The following PPP1R16A variants were observed in gnomAD, a reference collection of about 807,000 sequenced individuals.
The protein encoded by PPP1R16A is myosin phosphatase-targeting subunit 3.
A neutral mutation model predicts 46.6 loss-of-function variants in PPP1R16A; 39 were observed. That is an observed-to-expected ratio of 0.84 (90% confidence interval 0.65 to 1.09). PPP1R16A has a LOEUF of 1.09. Among genes scored for constraint, PPP1R16A ranks in the 50% least tolerant of loss-of-function variants. PPP1R16A has a pLI of 0.00. For missense variants in PPP1R16A, 798 were observed against 735.6 expected (o/e 1.08, Z -0.98); for synonymous variants, 413 against 321.5 (o/e 1.28, Z -3.04).
intron 1 of PPP1R16A, among the ~76,000 whole-genome samples, chr8:144,488,670 A>G (rs1315294699): frequency 6.6e-6 from 1 of 152,084 alleles, no homozygotes; most frequent in Non-Finnish European, 1.5e-5. Flanking sequence ...GACCACCAGG[A>G]ATTTGGGCAA....
intron 1 of PPP1R16A, among the ~76,000 whole-genome samples, chr8:144,479,673 C>A (rs914771565): frequency 6.6e-6 from 1 of 152,150 alleles, no homozygotes; most frequent in Non-Finnish European, 1.5e-5. Flanking sequence ...CTCAGGTGAC[C>A]CCACAGACTA....
rs900984216 is a variant in PPP1R16A, at chr8:144,493,352, T to G, written c.-734-3109T>G. Among the ~76,000 whole-genome samples, 30 of 151,866 alleles carry G rather than the reference T, an allele frequency of 2.0e-4. No individual in the cohort carries two copies. Among genetic ancestry groups the G allele is most frequent in the African/African-American group, 7.3e-4 (30 of 41,328 alleles). On this transcript the variant is annotated intron_variant, in intron 2 of 11. Transcript: ENST00000435887. This position sits in a 1 kb window ranked among gnomAD's most constrained non-coding sequence, Gnocchi z 4.3. The stretch of plus-strand genomic sequence containing the variant: ...GAGGTTTGGGGGAAGGTTTGTGGAG[T>G]AGAGGGAGCCGCCCTGCCCAGCCCC...
chr8:144,492,589 C>CAG (rs1825862511), intron 2 of PPP1R16A, among the ~76,000 whole-genome samples: 1 of 152,152 alleles, frequency 6.6e-6, no homozygotes, highest in Admixed American at 6.5e-5. Context: ...CCCACCTCGG[C>CAG]CTCCCAAAGT....
rs1825899255 is a variant in PPP1R16A at position 144,493,373 on chromosome 8, GC to G, written c.-734-3083del. ...GGAGTAGAGGGAGCCGCCCTGCCCA[GC>G]CCCCTCAGCCTGGGTGTGTCCATTT... is the stretch of plus-strand genomic sequence containing the variant. On this transcript the variant is annotated intron_variant, in intron 2 of 11. Coordinates refer to ENST00000435887, the MANE Select transcript of PPP1R16A (RefSeq NM_001329443.2). The surrounding 1 kb of genome is among the most constrained non-coding windows in gnomAD (Gnocchi z 4.3). Among the ~76,000 whole-genome samples the G allele has an allele frequency of 6.6e-6, 1 of 152,158 alleles. No individual in the cohort carries two copies. The highest frequency in any genetic ancestry group is 2.1e-4 in the South Asian group (1 of 4,830).
Position 144,500,603 on chromosome 8 carries a change from C to A in PPP1R16A, c.822C>A (p.Tyr274Ter). The change falls in exon 8 of 12, where the codon TAC (tyrosine) becomes TAA (stop). Residue 274 changes from tyrosine to a stop codon, truncating the protein, a stop_gained. Coordinates refer to ENST00000435887, the MANE Select transcript of PPP1R16A (RefSeq NM_001329443.2). LOFTEE classifies it high-confidence loss of function. ...GGGAGCCGCTGCACGCCGCGGCCTA[C>A]TGGGGCCAGGTGAGTGCGGGCGGGA... ...DGWEPLHAAAYWGQVPLVELL... is the reference protein window; with the variant it reads ...DGWEPLHAAA The A allele has an allele frequency of 6.2e-7, 1 of 1,600,966 alleles. No individual in the cohort carries two copies. Among genetic ancestry groups the A allele is most frequent in the Non-Finnish European group, 8.5e-7 (1 of 1,179,080 alleles).
At chr8:144,498,261 C>T in intron 3 of PPP1R16A, 1 of 359,396 alleles carries the variant, frequency 2.8e-6, no homozygotes, top group East Asian at 7.5e-5. Flanking sequence ...CAGGGAGAAC[C>T]CTGGTGACCT....
Position 144,500,917 on chromosome 8 carries a change from A to T in PPP1R16A, c.983A>T (p.Gln328Leu). 6.5e-7 allele frequency: 1 copy of T among 1,531,476 alleles called. No individual in the cohort carries two copies. The highest frequency in any genetic ancestry group is 8.8e-7 in the Non-Finnish European group (1 of 1,142,450). The allele number at this position is 1,531,476 out of a possible 1,614,324, so 94.9% of individuals were successfully genotyped here. A position where few individuals can be genotyped will look rare whatever the true frequency, so the allele number is the denominator to read the frequency against. ...KHKHDALLRA[Q>L]SRQRSLLRRR... Reference sequence around the variant, plus strand: ...AAGCACGACGCCCTCCTGCGCGCCCAGAGCCGCCAGCGCTCCTTGCTGCGC... The same window carrying T: ...AAGCACGACGCCCTCCTGCGCGCCCTGAGCCGCCAGCGCTCCTTGCTGCGC... Residue 328 changes from glutamine to leucine, a missense_variant, in exon 10 of 12, where the codon CAG becomes CTG. Gln to Leu is a moderately radical substitution (Grantham distance 113). Transcript: ENST00000435887.
chr8:144,489,955 A>G (rs1259326582), intron 1 of PPP1R16A, 79 bp from the exon 2 acceptor site: 2 of 152,322 alleles, frequency 1.3e-5, no homozygotes, highest in South Asian at 2.1e-4. Flanking sequence ...CCTTGGCCGC[A>G]CTGAGCTGTG....
chr8:144,481,370 T>TG (rs1191611314), intron 1 of PPP1R16A, among the ~76,000 whole-genome samples: 3 of 151,120 alleles, frequency 2.0e-5, no homozygotes, highest in African/African-American at 7.3e-5. Flanking sequence ...TGGCTGGGCG[T>TG]GGGGGCTCAC....
chr8:144,499,932 A>G (rs1156347508), intron 5 of PPP1R16A, 164 bp from the exon 6 acceptor site: 1 of 655,680 alleles, frequency 1.5e-6, no homozygotes, highest in African/African-American at 1.8e-5. Flanking sequence ...AGGATCTAGG[A>G]CAGCCGATGG....
chr8:144,488,064 T>A (rs1825680588), intron 1 of PPP1R16A, among the ~76,000 whole-genome samples: 1 of 152,266 alleles, frequency 6.6e-6, no homozygotes, highest in Admixed American at 6.5e-5. Flanking sequence ...TTTTGGGTGC[T>A]ATTCTGTTGT....
chr8:144,500,337 C>G lies in PPP1R16A; in HGVS notation c.651C>G (p.Ser217Arg). 6.5e-7 allele frequency: 1 copy of G among 1,537,320 alleles called. No individual in the cohort carries two copies. The highest frequency in any genetic ancestry group is 8.7e-7 in the Non-Finnish European group (1 of 1,146,214). ...TGCGCATGCTGGACGACATCCGGAG[C>G]CGGCTGCAGGCCGGGGCAGACCTCC... ...PELRMLDDIR[S>R]RLQAGADLHA... Residue 217 changes from serine (S) to arginine (R), a missense_variant, in exon 7 of 12, where the codon AGC (serine) becomes AGG (arginine). Ser to Arg is a moderately radical substitution (Grantham distance 110, BLOSUM62 -1). Coordinates refer to ENST00000435887, the MANE Select transcript of PPP1R16A (RefSeq NM_001329443.2).
At chr8:144,497,919 C>G in intron 3 of PPP1R16A, 1 of 403,990 alleles carries the variant, frequency 2.5e-6, no homozygotes, top group Non-Finnish European at 5.1e-6. Context: ...CAGAGCTATG[C>G]AGGTGGCCCC....
chr8:144,478,549 G>A (rs1331088580), intron 1 of PPP1R16A: 1 of 166,898 alleles, frequency 6.0e-6, no homozygotes, highest in Non-Finnish European at 1.3e-5. Flanking sequence ...CAGCCCGTCG[G>A]TCAGGTAGAC....
intron 2 of PPP1R16A, among the ~76,000 whole-genome samples, chr8:144,492,935 G>A (rs1825876662): frequency 6.6e-6 from 1 of 152,120 alleles, no homozygotes; most frequent in Non-Finnish European, 1.5e-5. Context: ...CTGGGAGATG[G>A]GTACTGTGGT....
rs201175578 is a variant in PPP1R16A at position 144,497,201 on chromosome 8, G to A, written c.7G>A (p.Glu3Lys). Residue 3 changes from glutamate to lysine, a missense_variant, in exon 3 of 12, where the codon GAG becomes AAG. Coordinates refer to ENST00000435887, the MANE Select transcript of PPP1R16A (RefSeq NM_001329443.2). MA[E>K]HLELLAEMPM... ...TGGGCAAGCAGCCGCCGCCATGGCC[G>A]AGCACCTGGAGCTGCTGGCAGAGAT... The A allele has an allele frequency of 1.5e-4, 236 of 1,569,650 alleles. No individual in the cohort carries two copies. The highest frequency in any genetic ancestry group is 2.1e-4 in the Admixed American group (11 of 53,218).
chr8:144,482,142 G>A (rs959769500), intron 1 of PPP1R16A, among the ~76,000 whole-genome samples: 4 of 151,906 alleles, frequency 2.6e-5, no homozygotes, highest in Admixed American at 2.0e-4. Flanking sequence ...GTGTCATCTC[G>A]GCTCATTGCA....
Position 144,497,926 on chromosome 8 carries a change from C to T in PPP1R16A, c.259+473C>T, listed in dbSNP as rs1168466571. 4 of 408,136 alleles carry T rather than the reference C, an allele frequency of 9.8e-6. No homozygotes were observed. In the East Asian group the frequency reaches 2.2e-4, roughly 22 times the overall value. The allele number at this position is 408,136 out of a possible 1,614,324, so 25.3% of individuals were successfully genotyped here. A position where few individuals can be genotyped will look rare whatever the true frequency, so the allele number is the denominator to read the frequency against. The stretch of plus-strand genomic sequence containing the variant: ...GGCAGGCACAGAGCTATGCAGGTGG[C>T]CCCCTCTCAGTGCCTGCCCTAGGCT... On this transcript the variant is annotated intron_variant, in intron 3 of 11. Coordinates refer to ENST00000435887, the MANE Select transcript of PPP1R16A (RefSeq NM_001329443.2).
intron 5 of PPP1R16A, chr8:144,499,347 G>A (rs1586759097): frequency 8.5e-6 from 4 of 469,204 alleles, no homozygotes; most frequent in Middle Eastern, 5.4e-4. Flanking sequence ...CTTGGTCAGT[G>A]AGGAGGGCAG....
Sources: allele counts gnomAD v4.1 joint callset (sites outside exome capture counted in the v4.1 genomes callset), GRCh38; gene constraint gnomAD v4.1.1; non-coding constraint Gnocchi (gnomAD v3.1); transcripts MANE v1.5; gene names NCBI Gene and HGNC (gene_info 2026-07-23, HGNC 2026-07-21).